Variants in GPATCH2 observed in about 807,000 individuals in gnomAD.
GPATCH2 encodes G-patch domain containing 2.
Under a neutral mutation model 58.0 loss-of-function variants are expected in GPATCH2, and 51 were observed. The observed-to-expected ratio is 0.88, with a 90% CI of 0.70 to 1.11. The LOEUF is 1.11. Ranked by LOEUF, GPATCH2 falls within the 50% of genes most tolerant of loss-of-function variation. The pLI, the probability that GPATCH2 is intolerant of heterozygous loss-of-function variation, is 0.00. For synonymous variants in GPATCH2, 222 were observed against 218.5 expected (o/e 1.02, Z -0.14); for missense variants, 625 against 652.2 (o/e 0.96, Z 0.45).
intron 5 of GPATCH2, among the ~76,000 whole-genome samples, chr1:217,560,286 A>G (rs1665858461): frequency 6.6e-6 from 1 of 152,146 alleles, no homozygotes; most frequent in Admixed American, 6.5e-5. Flanking sequence ...TCCTCGCTAT[A>G]CCCACAGTAT....
At chr1:217,606,388 A>G (rs1465254226) in intron 5 of GPATCH2, among the ~76,000 whole-genome samples, 2 of 152,052 alleles carry the variant, frequency 1.3e-5, no homozygotes. Context: ...TTCAAATATA[A>G]AAGAGGTATA....
chr1:217,585,697 C>T (rs918682599), intron 5 of GPATCH2, among the ~76,000 whole-genome samples: 1 of 152,124 alleles, frequency 6.6e-6, no homozygotes, highest in East Asian at 1.9e-4. Context: ...CAGAGACTCA[C>T]AAGATTGCTT....
At chr1:217,569,211 G>A (rs1184295570) in intron 5 of GPATCH2, among the ~76,000 whole-genome samples, 1 of 151,950 alleles carries the variant, frequency 6.6e-6, no homozygotes, top group Non-Finnish European at 1.5e-5. Context: ...GGGGACACAT[G>A]TTTTTAATTA....
At chr1:217,543,522 G>T (rs1161168245) in intron 5 of GPATCH2, among the ~76,000 whole-genome samples, 1 of 152,006 alleles carries the variant, frequency 6.6e-6, no homozygotes, top group Non-Finnish European at 1.5e-5. Flanking sequence ...GCCCGTCTCG[G>T]CCTCCCAAAG....
intron 8 of GPATCH2, among the ~76,000 whole-genome samples, chr1:217,481,002 G>C (rs1661190093): frequency 6.6e-6 from 1 of 152,134 alleles, no homozygotes; most frequent in South Asian, 2.1e-4. Context: ...GATTACCAGA[G>C]ACTGGGAAGG....
Position 217,431,181 on chromosome 1 carries a change from G to A in GPATCH2, c.1551C>T (p.Ser517=), listed in dbSNP as rs369269195. ...TTCCTGCATTGGGGGTAGTAGTTGCGGAAGTACTTTTTGGTAGAGGAAATC... is the reference window on the plus strand; with the variant it reads ...TTCCTGCATTGGGGGTAGTAGTTGCAGAAGTACTTTTTGGTAGAGGAAATC... ...GLGFPLPKST[S]ATTTPNAGKS... is the part of the protein sequence containing the mutation. The change falls in exon 10 of 10, where the codon TCC becomes TCT. Residue 517 remains serine (S), a synonymous_variant. Transcript: ENST00000366935. The A allele has an allele frequency of 8.8e-6, 14 of 1,597,180 alleles. No homozygotes were observed. The highest frequency in any genetic ancestry group is 1.2e-5 in the Non-Finnish European group (14 of 1,164,602).
intron 5 of GPATCH2, among the ~76,000 whole-genome samples, chr1:217,537,661 C>T (rs143508987): frequency 6.6e-6 from 1 of 152,212 alleles, no homozygotes; most frequent in Admixed American, 6.5e-5. Context: ...GAGTCAAATT[C>T]ATCAAAGTAC....
intron 5 of GPATCH2, among the ~76,000 whole-genome samples, chr1:217,574,215 T>G (rs916735845): frequency 6.6e-6 from 1 of 152,226 alleles, no homozygotes; most frequent in Non-Finnish European, 1.5e-5. Context: ...TGAAGGATAG[T>G]GACACAAAAT....
At chr1:217,474,056 T>C (rs1049776865) in intron 8 of GPATCH2, among the ~76,000 whole-genome samples, 1 of 152,216 alleles carries the variant, frequency 6.6e-6, no homozygotes, top group African/African-American at 2.4e-5. Context: ...AATAAACGTA[T>C]GAATCAATAC....
At chr1:217,443,155 A>G (rs1659226712) in intron 9 of GPATCH2, among the ~76,000 whole-genome samples, 1 of 152,176 alleles carries the variant, frequency 6.6e-6, no homozygotes. Context: ...TACACGCTCA[A>G]CAATTTCTTT....
chr1:217,509,157 T>C (rs751260787), intron 6 of GPATCH2, among the ~76,000 whole-genome samples: 16 of 152,184 alleles, frequency 1.1e-4, no homozygotes, highest in Non-Finnish European at 2.1e-4. Flanking sequence ...CTAGGTAACA[T>C]GGTGAAACCT....
chr1:217,487,579 C>T (rs1414060254), intron 8 of GPATCH2, among the ~76,000 whole-genome samples: 10 of 151,986 alleles, frequency 6.6e-5, no homozygotes, highest in African/African-American at 2.4e-4. Context: ...GCAGGGGCCA[C>T]CAAGCCCGGC....
intron 8 of GPATCH2, among the ~76,000 whole-genome samples, chr1:217,464,603 A>G (rs1046684973): frequency 2.6e-5 from 4 of 152,222 alleles, no homozygotes; most frequent in African/African-American, 9.6e-5. Context: ...ACCCACACCA[A>G]GGAAAAACAG....
At chr1:217,510,709 T>C (rs866178608) in intron 6 of GPATCH2, among the ~76,000 whole-genome samples, 1 of 152,170 alleles carries the variant, frequency 6.6e-6, no homozygotes, top group Non-Finnish European at 1.5e-5. Flanking sequence ...GTCATTTGAT[T>C]ATTTAAACAC....
rs1452195176 is a variant in GPATCH2, at chr1:217,610,373, T to A, written c.1046A>T (p.His349Leu). Reference sequence around the variant, plus strand: ...TTTAATATTCTTTGAAGACATTCCATGAAGGCGACTGAGTCTAGCTTGGAA... The same window carrying A: ...TTTAATATTCTTTGAAGACATTCCAAGAAGGCGACTGAGTCTAGCTTGGAA... ...RGFQARLSRL[H>L]GMSSKNIKKS... Residue 349 changes from histidine to leucine, a missense_variant, in exon 5 of 10, where the codon CAT becomes CTT. His to Leu is a moderately conservative substitution (Grantham distance 99). Transcript: ENST00000366935. 3.1e-6 allele frequency: 5 copies of A among 1,604,466 alleles called. No homozygotes were observed. The African/African-American group carries it at 5.4e-5, about 17-fold the overall frequency.
At position 217,430,959 on chromosome 1, in the gene GPATCH2, T is replaced by G. The variant is rs1369100400; in HGVS notation, c.*186A>C. On this transcript the variant is annotated 3_prime_UTR_variant, in exon 10 of 10. Coordinates refer to ENST00000366935, the MANE Select transcript of GPATCH2 (RefSeq NM_018040.5). ...AAATTAAAGTGCAGAGGTTTTCATT[T>G]TAGCACCATGAATTGTGATGAAATC... 3.3e-6 allele frequency: 2 copies of G among 597,978 alleles called. No homozygotes were observed. The highest frequency in any genetic ancestry group is 6.0e-6 in the Non-Finnish European group (2 of 335,524). The allele number at this position is 597,978 out of a possible 1,614,324, so 37.0% of individuals were successfully genotyped here. A position where few individuals can be genotyped will look rare whatever the true frequency, so the allele number is the denominator to read the frequency against.
intron 5 of GPATCH2, among the ~76,000 whole-genome samples, chr1:217,532,292 T>C (rs1558463705): frequency 1.3e-5 from 2 of 152,222 alleles, no homozygotes; most frequent in Admixed American, 6.5e-5. Flanking sequence ...ATATTTCTAA[T>C]GCTCACAACT....
intron 5 of GPATCH2, among the ~76,000 whole-genome samples, chr1:217,560,307 G>C (rs1447076676): frequency 6.6e-6 from 1 of 152,150 alleles, no homozygotes; most frequent in Admixed American, 6.5e-5. Flanking sequence ...CCTATTCCTT[G>C]TATGTTATCA....
At chr1:217,539,614 A>G (rs1443152976) in intron 5 of GPATCH2, among the ~76,000 whole-genome samples, 3 of 152,244 alleles carry the variant, frequency 2.0e-5, no homozygotes. Context: ...TTGAATTTAA[A>G]TTCAGATGAG....
Sources: gnomAD v4.1 joint callset for allele counts (sites outside exome capture counted in the v4.1 genomes callset) on GRCh38, gnomAD v4.1.1 for gene constraint, MANE v1.5 for transcripts, NCBI Gene and HGNC (gene_info 2026-07-23, HGNC 2026-07-21) for gene names.